SGIP1: variants seen among roughly 807,000 people sequenced by gnomAD.
SGIP1 encodes the protein SH3GL interacting endocytic adaptor 1.
A neutral mutation model predicts 107.5 loss-of-function variants in SGIP1; 38 were observed. The ratio of observed to expected loss-of-function variants is 0.35; its 90% CI spans 0.27 to 0.46. SGIP1 has a LOEUF of 0.46. Among genes scored for constraint, SGIP1 ranks in the 20% least tolerant of loss-of-function variants. The probability of loss-of-function intolerance (pLI) is 1.00; values close to 1 mark genes in which losing one functional copy is unlikely to be tolerated. For synonymous variants in SGIP1, 365 were observed against 366.1 expected (o/e 1.00, Z 0.03); for missense variants, 929 against 1,019.5 (o/e 0.91, Z 1.21).
intron 5 of SGIP1, 74 bp from the exon 6 acceptor site, chr1:66,642,736 A>G (rs2077007988): frequency 7.8e-7 from 1 of 1,280,182 alleles, no homozygotes; most frequent in Non-Finnish European, 1.1e-6. Flanking sequence ...CTTAAATAGA[A>G]GACTCTAGAA....
intron 7 of SGIP1, among the ~76,000 whole-genome samples, chr1:66,658,390 C>G (rs1400951337): frequency 6.6e-6 from 1 of 152,176 alleles, no homozygotes; most frequent in African/African-American, 2.4e-5. Flanking sequence ...CCTGAGGTCA[C>G]TAACAGGCAG....
intron 1 of SGIP1, among the ~76,000 whole-genome samples, chr1:66,624,637 G>T (rs2072151303): frequency 6.6e-6 from 1 of 152,128 alleles, no homozygotes; most frequent in Non-Finnish European, 1.5e-5. Flanking sequence ...TTGGAAAAAT[G>T]TATCATCAAC....
chr1:66,727,214 A>G (rs377200906), intron 19 of SGIP1, among the ~76,000 whole-genome samples: 2 of 152,232 alleles, frequency 1.3e-5, no homozygotes, highest in African/African-American at 2.4e-5. Flanking sequence ...AGAAACCTTG[A>G]CATTCAATAA....
intron 7 of SGIP1, chr1:66,643,990 AAAAAT>A (rs1488209714): frequency 4.6e-6 from 1 of 217,034 alleles, no homozygotes; most frequent in Non-Finnish European, 9.0e-6. Context: ...AAAAAGAAAA[AAAAAT>A]AAAAAGATTA....
chr1:66,654,414 C>T (rs1454009944), intron 7 of SGIP1, among the ~76,000 whole-genome samples: 1 of 152,052 alleles, frequency 6.6e-6, no homozygotes, highest in Admixed American at 6.5e-5. Context: ...GGTTTTCAGT[C>T]ATTTAGTTGT....
chr1:66,639,271 ACT>A (rs2076342037), intron 4 of SGIP1, among the ~76,000 whole-genome samples: 1 of 152,194 alleles, frequency 6.6e-6, no homozygotes, highest in African/African-American at 2.4e-5. Flanking sequence ...GAGCTGACTT[ACT>A]CTGTGTTTTA....
intron 6 of SGIP1, 61 bp downstream of exon 6, chr1:66,642,925 A>C: frequency 7.2e-7 from 1 of 1,389,060 alleles, no homozygotes; most frequent in Non-Finnish European, 1.0e-6. Context: ...AGTAGGATAA[A>C]TTCAGATTTT....
chr1:66,654,105 G>A (rs2079248516), intron 7 of SGIP1, among the ~76,000 whole-genome samples: 1 of 152,112 alleles, frequency 6.6e-6, no homozygotes, highest in Non-Finnish European at 1.5e-5. Context: ...CTGGGTGGAT[G>A]GATGCACCAC....
intron 2 of SGIP1, 157 bp downstream of exon 2, chr1:66,626,067 C>T (rs1029740355): frequency 1.6e-4 from 58 of 357,934 alleles, no homozygotes; most frequent in Non-Finnish European, 2.5e-4. Context: ...ATAAACAGTT[C>T]TTAGATTTAT....
In SGIP1 at chr1:66,750,495, G is replaced by T. The variant is rs1414968865; in HGVS notation, c.*7400G>T. Reference sequence around the variant, plus strand: ...GTAGCCTTTATTTAGAGCTCTCTTTGATCTATGTAGCAAAAATACACTAAA... The same window carrying T: ...GTAGCCTTTATTTAGAGCTCTCTTTTATCTATGTAGCAAAAATACACTAAA... On this transcript the variant is annotated 3_prime_UTR_variant, in exon 25 of 25. Transcript: ENST00000371037. Among the ~76,000 whole-genome samples, 3 of 152,070 alleles carry T rather than the reference G, an allele frequency of 2.0e-5. No individual in the cohort carries two copies. The highest frequency in any genetic ancestry group is 7.2e-5 in the African/African-American group (3 of 41,400).
At chr1:66,705,652 T>C (rs1466333322) in intron 18 of SGIP1, among the ~76,000 whole-genome samples, 2 of 152,166 alleles carry the variant, frequency 1.3e-5, no homozygotes, top group Non-Finnish European at 2.9e-5. Flanking sequence ...TCTCCAATCA[T>C]ATTTATCAGT....
intron 3 of SGIP1, among the ~76,000 whole-genome samples, chr1:66,635,405 C>A (rs1192429785): frequency 2.6e-5 from 4 of 152,164 alleles, no homozygotes; most frequent in Non-Finnish European, 5.9e-5. Context: ...CACACATAGA[C>A]TTGGAACATC....
chr1:66,535,353 G>T (rs1486474652), intron 1 of SGIP1, among the ~76,000 whole-genome samples: 1 of 152,206 alleles, frequency 6.6e-6, no homozygotes, highest in Non-Finnish European at 1.5e-5. Context: ...ATGCAGAATT[G>T]AGTGCATAAT....
intron 9 of SGIP1, among the ~76,000 whole-genome samples, chr1:66,670,091 C>T (rs956278561): frequency 2.0e-5 from 3 of 152,172 alleles, no homozygotes; most frequent in South Asian, 2.1e-4. Flanking sequence ...CTTTCCCTGT[C>T]CTCAACTCTG....
chr1:66,582,806 C>T (rs11208911), intron 1 of SGIP1, among the ~76,000 whole-genome samples: 28,435 of 150,988 alleles, frequency 0.19, 3,119 homozygotes, highest in African/African-American at 0.31. Flanking sequence ...CCACCTTGAA[C>T]AATTTAGGAT....
chr1:66,587,593 A>G (rs923548187), intron 1 of SGIP1, among the ~76,000 whole-genome samples: 3 of 152,118 alleles, frequency 2.0e-5, no homozygotes, highest in Non-Finnish European at 2.9e-5. Flanking sequence ...AACAGATTAG[A>G]ATTAGGCTTA....
chr1:66,620,230 G>A (rs2070624892), intron 1 of SGIP1, among the ~76,000 whole-genome samples: 3 of 152,044 alleles, frequency 2.0e-5, no homozygotes, highest in Admixed American at 2.0e-4. Flanking sequence ...AGTTTTTTTA[G>A]TTAGTTTAGG....
chr1:66,557,515 CAT>C lies in SGIP1; in HGVS notation c.10+23148_10+23149del, dbSNP rs545415604. Among the ~76,000 whole-genome samples, 354 of 152,208 alleles carry C rather than the reference CAT, an allele frequency of 2.3e-3. 2 individuals carry two copies. The highest frequency in any genetic ancestry group is 8.2e-3 in the African/African-American group (339 of 41,552). The stretch of plus-strand genomic sequence containing the variant: ...TCGGATTTCTCTATCCTCTCCTACA[CAT>C]GTTTGGGTCTCTTAGACAGAACATA... On this transcript the variant is annotated intron_variant, in intron 1 of 24. Coordinates refer to ENST00000371037, the MANE Select transcript of SGIP1 (RefSeq NM_032291.4).
chr1:66,565,812 A>G (rs2059561886), intron 1 of SGIP1, among the ~76,000 whole-genome samples: 1 of 151,982 alleles, frequency 6.6e-6, no homozygotes, highest in Non-Finnish European at 1.5e-5. Context: ...TGGTGAGTAC[A>G]CTAAGAATTG....
Sources: allele counts gnomAD v4.1 joint callset (sites outside exome capture counted in the v4.1 genomes callset), GRCh38; gene constraint gnomAD v4.1.1; transcripts MANE v1.5; gene names NCBI Gene and HGNC (gene_info 2026-07-23, HGNC 2026-07-21).